The following ERP44 variants were observed in gnomAD, a reference collection of about 807,000 sequenced individuals.
The protein encoded by ERP44 is endoplasmic reticulum protein 44, also known as endoplasmic reticulum resident protein 44.
Under a neutral mutation model 53.4 loss-of-function variants are expected in ERP44, and 25 were observed. The observed-to-expected ratio is 0.47, with a 90% confidence interval of 0.34 to 0.65. ERP44 has a LOEUF of 0.65. Ranked by LOEUF, ERP44 falls within the 30% of genes least tolerant of loss-of-function variation. The probability of loss-of-function intolerance (pLI) is 0.01; values close to 1 mark genes in which losing one functional copy is unlikely to be tolerated. For missense variants in ERP44, 338 were observed against 493.2 expected (o/e 0.69, Z 2.98); for synonymous variants, 145 against 161.2 (o/e 0.90, Z 0.76).
chr9:100,021,989 T>G lies in ERP44; in HGVS notation c.471+53A>C, dbSNP rs553988530. 1.1e-5 allele frequency: 17 copies of G among 1,504,220 alleles called. 1 individual carries two copies. The East Asian group carries it at 3.4e-4, about 30-fold the overall frequency. 93.2% of individuals were successfully genotyped at this position (1,504,220 alleles called of 1,614,324 possible). On this transcript the variant is annotated intron_variant, in intron 5 of 11. Transcript: ENST00000262455. ...CAGATTTTTTGTTTGCATTAGAATT[T>G]GTTTACATTAATCAGGGAATGTTTG...
At chr9:100,035,909 A>G (rs550463809) in intron 4 of ERP44, among the ~76,000 whole-genome samples, 27 of 152,178 alleles carry the variant, frequency 1.8e-4, no homozygotes, top group Admixed American at 3.3e-4. Context: ...GATGATGGCA[A>G]GGCTGAAGAG....
chr9:99,994,757 T>C (rs1830293398), intron 10 of ERP44, among the ~76,000 whole-genome samples: 1 of 152,218 alleles, frequency 6.6e-6, no homozygotes, highest in Non-Finnish European at 1.5e-5. Flanking sequence ...CTGTATTAAT[T>C]ACCTTAGATT....
At chr9:100,000,335 G>T (rs1030003491) in intron 10 of ERP44, among the ~76,000 whole-genome samples, 2 of 151,834 alleles carry the variant, frequency 1.3e-5, no homozygotes, top group African/African-American at 4.8e-5. Flanking sequence ...CTACTCGGGA[G>T]GCTTGAGGTG....
rs564328113 is a variant in ERP44 at position 100,068,081 on chromosome 9, G to A, written c.58-7909C>T. Among the ~76,000 whole-genome samples the A allele has an allele frequency of 1.7e-4, 25 of 146,444 alleles. No homozygotes were observed. The East Asian group carries it at 4.9e-3, about 29-fold the overall frequency. On this transcript the variant is annotated intron_variant, in intron 1 of 11. Coordinates refer to ENST00000262455, the MANE Select transcript of ERP44 (RefSeq NM_015051.3). ...CCGCCCCATCCGGGAGGGAGGTGGG[G>A]GAGTCAGCCCCCCGCCCGGCCAGCT...
chr9:100,065,151 G>T (rs2118724291), intron 1 of ERP44, among the ~76,000 whole-genome samples: 1 of 152,196 alleles, frequency 6.6e-6, no homozygotes, highest in East Asian at 1.9e-4. Flanking sequence ...CATGTTAAGT[G>T]CCCTATACAT....
chr9:100,058,471 C>G (rs1204590166), intron 2 of ERP44, among the ~76,000 whole-genome samples: 1 of 152,172 alleles, frequency 6.6e-6, no homozygotes, highest in African/African-American at 2.4e-5. Flanking sequence ...GTGGAATGAT[C>G]TGTATTTTAT....
intron 4 of ERP44, among the ~76,000 whole-genome samples, chr9:100,028,095 A>T (rs1830672797): frequency 1.3e-5 from 2 of 152,188 alleles, no homozygotes; most frequent in African/African-American, 4.8e-5. Flanking sequence ...TATAGTTCCT[A>T]TAAAAAGCTT....
intron 4 of ERP44, among the ~76,000 whole-genome samples, chr9:100,023,729 G>T (rs1450263724): frequency 6.6e-6 from 1 of 152,094 alleles, no homozygotes; most frequent in African/African-American, 2.4e-5. Context: ...ACAGTTGTGA[G>T]CCACTGTGCC....
At chr9:99,992,313 C>A (rs997372386) in intron 10 of ERP44, among the ~76,000 whole-genome samples, 1 of 152,140 alleles carries the variant, frequency 6.6e-6, no homozygotes, top group Non-Finnish European at 1.5e-5. Context: ...AAAAGCTTAT[C>A]CACCAAGATC....
rs1387746743 is a variant in ERP44 at position 99,979,578 on chromosome 9, T to G, written c.*3034A>C. ...AAAGAAAAAAATAATTTGTAGAATGTCATCTAAAAGTTTCCATCCTTTTAT... is the reference window on the plus strand; with the variant it reads ...AAAGAAAAAAATAATTTGTAGAATGGCATCTAAAAGTTTCCATCCTTTTAT... On this transcript the variant is annotated 3_prime_UTR_variant, in exon 12 of 12. Coordinates refer to ENST00000262455, the MANE Select transcript of ERP44 (RefSeq NM_015051.3). 1 of 180,120 alleles carries G rather than the reference T, an allele frequency of 5.6e-6. No homozygotes were observed. Among genetic ancestry groups the G allele is most frequent in the African/African-American group, 2.3e-5 (1 of 42,694 alleles). The allele number at this position is 180,120 out of a possible 1,614,324, so 11.2% of individuals were successfully genotyped here.
At chr9:100,068,340 CA>C (rs1826252204) in intron 1 of ERP44, among the ~76,000 whole-genome samples, 1 of 121,792 alleles carries the variant, frequency 8.2e-6, no homozygotes, top group Non-Finnish European at 1.7e-5. Flanking sequence ...GTGGGGGGGT[CA>C]GCCCCCCGCC....
intron 10 of ERP44, among the ~76,000 whole-genome samples, chr9:99,987,801 G>A (rs964860227): frequency 6.6e-6 from 1 of 151,768 alleles, no homozygotes; most frequent in African/African-American, 2.4e-5. Context: ...ATTGCATTTG[G>A]GATTCAGCCA....
intron 1 of ERP44, among the ~76,000 whole-genome samples, chr9:100,066,718 C>T (rs145939865): frequency 2.2e-3 from 332 of 152,306 alleles, no homozygotes; most frequent in Middle Eastern, 6.8e-3. Context: ...TCCCTGACTC[C>T]AATCAGTCCA....
chr9:100,040,852 T>G (rs1825892618), intron 4 of ERP44, among the ~76,000 whole-genome samples: 1 of 152,160 alleles, frequency 6.6e-6, no homozygotes, highest in Admixed American at 6.5e-5. Flanking sequence ...GTAGCATTTT[T>G]ATACGCTAAC....
At chr9:100,081,089 T>A (rs1826417345) in intron 1 of ERP44, among the ~76,000 whole-genome samples, 1 of 152,120 alleles carries the variant, frequency 6.6e-6, no homozygotes, top group South Asian at 2.1e-4. Flanking sequence ...AAAGAATTTA[T>A]ATCAGTAATT....
At chr9:100,038,168 T>A (rs1318574291) in intron 4 of ERP44, among the ~76,000 whole-genome samples, 1 of 152,092 alleles carries the variant, frequency 6.6e-6, no homozygotes, top group Non-Finnish European at 1.5e-5. Flanking sequence ...CTGAACGTAC[T>A]AAAGTCACAG....
intron 1 of ERP44, among the ~76,000 whole-genome samples, chr9:100,083,227 T>C (rs749159353): frequency 1.3e-5 from 2 of 152,048 alleles, no homozygotes; most frequent in Admixed American, 1.3e-4. Context: ...GTAATATTAT[T>C]TGTAATAGCA....
At chr9:100,028,282 A>G (rs564290223) in intron 4 of ERP44, among the ~76,000 whole-genome samples, 9 of 152,326 alleles carry the variant, frequency 5.9e-5, no homozygotes, top group African/African-American at 1.9e-4. Context: ...GCTTAGTGCC[A>G]TACAGCCTAA....
chr9:99,993,001 A>G (rs1478402786), intron 10 of ERP44, among the ~76,000 whole-genome samples: 1 of 152,238 alleles, frequency 6.6e-6, no homozygotes, highest in African/African-American at 2.4e-5. Context: ...CCACTGCTCA[A>G]CGAATTAAAA....
Sources: allele counts gnomAD v4.1 joint callset (sites outside exome capture counted in the v4.1 genomes callset), GRCh38; gene constraint gnomAD v4.1.1; transcripts MANE v1.5; gene names NCBI Gene and HGNC (gene_info 2026-07-23, HGNC 2026-07-21).